The following ZC3H7B variants were observed in gnomAD, a reference collection of about 807,000 sequenced individuals.
The protein encoded by ZC3H7B is zinc finger CCCH-type containing 7B, also known as zinc finger CCCH domain-containing protein 7B.
In ZC3H7B, 35 loss-of-function variants were observed where a neutral mutation model predicts 116.0. The ratio of observed to expected loss-of-function variants is 0.30; its 90% CI spans 0.23 to 0.40. The LOEUF is 0.40. Among genes scored for constraint, ZC3H7B ranks in the 10% least tolerant of loss-of-function variants. ZC3H7B has a pLI of 1.00. For missense variants in ZC3H7B, 1,011 were observed against 1,321.5 expected, an observed-to-expected ratio of 0.77 and a Z score of 3.64; for synonymous variants, 502 against 545.6, an observed-to-expected ratio of 0.92 and a Z score of 1.11.
In ZC3H7B at chr22:41,355,790, G is replaced by A; in HGVS notation, c.2202G>A (p.Met734Ile). The A allele has an allele frequency of 6.2e-7, 1 of 1,613,372 alleles. No homozygotes were observed. The highest frequency in any genetic ancestry group is 8.5e-7 in the Non-Finnish European group (1 of 1,179,906). Residue 734 changes from methionine (M) to isoleucine (I), a missense_variant, in exon 19 of 23, where the codon ATG becomes ATA. Physicochemically the swap from Met to Ile is conservative, Grantham distance 10 (BLOSUM62 1). Around this residue, in one of 5 missense-constraint regions of ZC3H7B, gnomAD observed 406 missense variants for 590.2 expected, o/e 0.69. Coordinates refer to ENST00000352645, the MANE Select transcript of ZC3H7B (RefSeq NM_017590.6). ...AGGAGCGGCGGGTCCTTCTGGTGAT[G>A]TCCAAGGCCAAGAGGAAATGGGTGT... ...WTKERRVLLV[M>I]SKAKRKWVSV... is the part of the protein sequence containing the mutation.
At position 41,302,165 on chromosome 22, in the gene ZC3H7B, C is replaced by G. The variant is rs951005797; in HGVS notation, c.-7+393C>G. Among the ~76,000 whole-genome samples, 1 of 152,030 alleles carries G rather than the reference C, an allele frequency of 6.6e-6. No individual in the cohort carries two copies. Among genetic ancestry groups the G allele is most frequent in the South Asian group, 2.1e-4 (1 of 4,822 alleles). On this transcript the variant is annotated intron_variant, in intron 1 of 22. Transcript: ENST00000352645. This position sits in a 1 kb window ranked among gnomAD's most constrained non-coding sequence, Gnocchi z 5.7. ...TGGGGTGTCCAGATGCTTTGCCGAC[C>G]CCGCGCAGGGGGTCTCGGGGGCTGG...
chr22:41,334,916 G>T (rs1329854181), intron 7 of ZC3H7B: 1 of 152,252 alleles, frequency 6.6e-6, no homozygotes, highest in Non-Finnish European at 1.5e-5. Context: ...GACAGTGTCT[G>T]TGCAAGAGCT....
intron 17 of ZC3H7B, among the ~76,000 whole-genome samples, chr22:41,354,245 T>G (rs1431266485): frequency 6.6e-6 from 1 of 152,224 alleles, no homozygotes; most frequent in Non-Finnish European, 1.5e-5. Context: ...CCTCTCACGC[T>G]TCTTGTGAGA....
Position 41,349,129 on chromosome 22 carries a change from G to A in ZC3H7B, c.1776G>A (p.Val592=). 6.2e-7 allele frequency: 1 copy of A among 1,613,636 alleles called. No individual in the cohort carries two copies. Among genetic ancestry groups the A allele is most frequent in the Non-Finnish European group, 8.5e-7 (1 of 1,179,974 alleles). The change falls in exon 16 of 23, where the codon GTG becomes GTA. Residue 592 remains valine (V), a synonymous_variant. Coordinates refer to ENST00000352645, the MANE Select transcript of ZC3H7B (RefSeq NM_017590.6). This position sits in a 1 kb window ranked among gnomAD's most constrained non-coding sequence, Gnocchi z 4.9. Reference sequence around the variant, plus strand: ...CCTGCCCGCCCGCCAGGTGCCTGGTGCACATCGTCCGCTCCACCTCCCTCA... The same window carrying A: ...CCTGCCCGCCCGCCAGGTGCCTGGTACACATCGTCCGCTCCACCTCCCTCA... The part of the protein sequence containing the change: ...KHSFYNNKCL[V]HIVRSTSLKY...
chr22:41,309,140 T>C (rs1478332104), intron 1 of ZC3H7B, among the ~76,000 whole-genome samples: 2 of 151,136 alleles, frequency 1.3e-5, no homozygotes, highest in Non-Finnish European at 2.9e-5. Context: ...GCCTCCCGTG[T>C]AGCTGGGACT....
In ZC3H7B at chr22:41,327,008, G is replaced by C. The variant is rs561545047; in HGVS notation, c.286-198G>C. ...TGCAGCCCCATCAGCTGGACACACA[G>C]ACACCCTTGATCAGAGTCTGGACAC... is the stretch of plus-strand genomic sequence containing the variant. On this transcript the variant is annotated intron_variant, in intron 4 of 22. Transcript: ENST00000352645. This position sits in a 1 kb window ranked among gnomAD's most constrained non-coding sequence, Gnocchi z 4.5. Among the ~76,000 whole-genome samples the C allele has an allele frequency of 3.6e-4, 55 of 152,336 alleles. No homozygotes were observed. The highest frequency in any genetic ancestry group is 3.3e-3 in the Admixed American group (51 of 15,294).
In ZC3H7B at chr22:41,308,839, A is replaced by G. The variant is rs558544400; in HGVS notation, c.-7+7067A>G. Among the ~76,000 whole-genome samples the G allele has an allele frequency of 1.2e-4, 18 of 151,850 alleles. No homozygotes were observed. The South Asian group carries it at 3.8e-3, about 32-fold the overall frequency. ...GTGTTGCAGCCACGGTGGCCTTCTG[A>G]GTTTTCCTGGAACATTATCAGCTTG... is the stretch of plus-strand genomic sequence containing the variant. On this transcript the variant is annotated intron_variant, in intron 1 of 22. Coordinates refer to ENST00000352645, the MANE Select transcript of ZC3H7B (RefSeq NM_017590.6).
In ZC3H7B at chr22:41,349,114, C is replaced by G; in HGVS notation, c.1767-6C>G. ...ATCGTGCCCCTCCTGCCTGCCCGCC[C>G]GCCAGGTGCCTGGTGCACATCGTCC... is the stretch of plus-strand genomic sequence containing the variant. On this transcript the variant is annotated splice_region_variant and splice_polypyrimidine_tract_variant and intron_variant, in intron 15 of 22. Coordinates refer to ENST00000352645, the MANE Select transcript of ZC3H7B (RefSeq NM_017590.6). The surrounding 1 kb of genome is among the most constrained non-coding windows in gnomAD (Gnocchi z 4.9). 1 of 1,613,258 alleles carries G rather than the reference C, an allele frequency of 6.2e-7. No homozygotes were observed. The highest frequency in any genetic ancestry group is 8.5e-7 in the Non-Finnish European group (1 of 1,179,858).
At chr22:41,309,688 T>C (rs1601760969) in intron 1 of ZC3H7B, among the ~76,000 whole-genome samples, 1 of 152,184 alleles carries the variant, frequency 6.6e-6, no homozygotes, top group East Asian at 1.9e-4. Context: ...CTATTTTTAC[T>C]TGTCGTGTGC....
chr22:41,345,893 C>A, intron 13 of ZC3H7B, 110 bp from the exon 14 acceptor site: 1 of 1,132,622 alleles, frequency 8.8e-7, no homozygotes, highest in Non-Finnish European at 1.3e-6. Flanking sequence ...TGGAGCGAAG[C>A]CCTGCCTGGC....
chr22:41,332,257 A>G, intron 7 of ZC3H7B, 30 bp downstream of exon 7: 1 of 1,613,408 alleles, frequency 6.2e-7, no homozygotes. Context: ...AACCTGTCTC[A>G]GTTTATCCAT....
Position 41,344,278 on chromosome 22 carries a change from G to A in ZC3H7B, c.1459+702G>A, listed in dbSNP as rs1021369376. Among the ~76,000 whole-genome samples, 6 of 152,228 alleles carry A rather than the reference G, an allele frequency of 3.9e-5. No individual in the cohort carries two copies. In the East Asian group the frequency reaches 7.7e-4, roughly 20 times the overall value. On this transcript the variant is annotated intron_variant, in intron 13 of 22. Coordinates refer to ENST00000352645, the MANE Select transcript of ZC3H7B (RefSeq NM_017590.6). ...CCAACCTGGCCCCTAGCAGTGGCCC[G>A]CCCAGGCCTCCTGAACTTGCTCCTT...
At chr22:41,329,561 A>C (rs1360625410) in intron 5 of ZC3H7B, among the ~76,000 whole-genome samples, 1 of 152,062 alleles carries the variant, frequency 6.6e-6, no homozygotes, top group Non-Finnish European at 1.5e-5. Context: ...GCCCAGCCAG[A>C]AGTAAGCATT....
At position 41,355,498 on chromosome 22, in the gene ZC3H7B, C is replaced by T; in HGVS notation, c.2064C>T (p.Thr688=). Residue 688 remains threonine (T), a synonymous_variant, in exon 18 of 23, where the codon ACC becomes ACT. Transcript: ENST00000352645. ...MGAPRTHGPS[T]FDLQMKFVCG... ...CTCCGAGGACACATGGGCCCAGCAC[C>T]TTTGACCTGCAGATGAAGTTTGTAT... is the stretch of plus-strand genomic sequence containing the variant. 3.7e-6 allele frequency: 6 copies of T among 1,614,174 alleles called. No homozygotes were observed. The highest frequency in any genetic ancestry group is 5.1e-6 in the Non-Finnish European group (6 of 1,180,032).
At chr22:41,316,611 T>TG (rs1282920430) in intron 1 of ZC3H7B, among the ~76,000 whole-genome samples, 1 of 147,586 alleles carries the variant, frequency 6.8e-6, no homozygotes, top group Non-Finnish European at 1.5e-5. Flanking sequence ...TTTTTTTTTT[T>TG]TTTTTGAGAC....
chr22:41,341,498 CT>C (rs1432865775), intron 11 of ZC3H7B, among the ~76,000 whole-genome samples: 10 of 152,108 alleles, frequency 6.6e-5, no homozygotes, highest in Admixed American at 6.6e-4. Flanking sequence ...AATCCCAGCA[CT>C]TTGGGAGGCC....
At chr22:41,321,715 A>C (rs1304902645) in intron 2 of ZC3H7B, among the ~76,000 whole-genome samples, 1 of 151,988 alleles carries the variant, frequency 6.6e-6, no homozygotes, top group African/African-American at 2.4e-5. Context: ...TCCATTTTGC[A>C]GATGAGAAAG....
intron 17 of ZC3H7B, among the ~76,000 whole-genome samples, chr22:41,354,755 G>C (rs2036691777): frequency 6.6e-6 from 1 of 152,194 alleles, no homozygotes; most frequent in Admixed American, 6.5e-5. Context: ...CTGTCCCGGG[G>C]TACAGAAGAG....
At chr22:41,313,337 C>T (rs1358759325) in intron 1 of ZC3H7B, among the ~76,000 whole-genome samples, 1 of 152,062 alleles carries the variant, frequency 6.6e-6, no homozygotes, top group Admixed American at 6.6e-5. Context: ...AGGTCTGGAT[C>T]TCCTGACCTC....
Sources: allele counts gnomAD v4.1 joint callset (sites outside exome capture counted in the v4.1 genomes callset), GRCh38; gene constraint gnomAD v4.1.1; regional missense constraint gnomAD v4.1.1; non-coding constraint Gnocchi (gnomAD v3.1); transcripts MANE v1.5; gene names NCBI Gene and HGNC (gene_info 2026-07-23, HGNC 2026-07-21).